PRKCB: variants seen among roughly 807,000 people sequenced by gnomAD.
The protein encoded by PRKCB is protein kinase C beta.
In PRKCB, 13 loss-of-function variants were observed where a neutral mutation model predicts 81.5. The observed-to-expected ratio is 0.16, with a 90% CI of 0.10 to 0.25. The LOEUF (loss-of-function observed/expected upper bound fraction) is 0.25, where lower values mean the gene tolerates loss of function less well. Among genes scored for constraint, PRKCB ranks in the 10% least tolerant of loss-of-function variants. The pLI, the probability that PRKCB is intolerant of heterozygous loss-of-function variation, is 1.00. For synonymous variants in PRKCB, 335 were observed against 321.4 expected, an observed-to-expected ratio of 1.04 and a Z score of -0.45; for missense variants, 509 against 875.7, an observed-to-expected ratio of 0.58 and a Z score of 5.29.
chr16:23,846,789 T>G (rs1251295220), intron 2 of PRKCB, among the ~76,000 whole-genome samples: 1 of 152,006 alleles, frequency 6.6e-6, no homozygotes, highest in Non-Finnish European at 1.5e-5. Context: ...TCCTGGAAAT[T>G]TTTGGTGTTG....
intron 2 of PRKCB, among the ~76,000 whole-genome samples, chr16:23,920,759 C>T (rs748717138): frequency 3.0e-4 from 45 of 152,280 alleles, no homozygotes; most frequent in Non-Finnish European, 4.6e-4. Flanking sequence ...CTTCAAGAGT[C>T]CTGCAGAAAT....
At chr16:23,969,440 G>T (rs984718382) in intron 2 of PRKCB, among the ~76,000 whole-genome samples, 8 of 152,120 alleles carry the variant, frequency 5.3e-5, no homozygotes, top group Admixed American at 5.2e-4. Context: ...GCATGCATGT[G>T]CCTGTATTGG....
At chr16:24,001,241 A>G (rs1463432522) in intron 3 of PRKCB, among the ~76,000 whole-genome samples, 2 of 152,218 alleles carry the variant, frequency 1.3e-5, no homozygotes, top group East Asian at 3.8e-4. Flanking sequence ...TGGTTTGTCT[A>G]AAGATACCTT....
At chr16:24,041,028 C>T (rs1035858196) in intron 5 of PRKCB, among the ~76,000 whole-genome samples, 5 of 151,722 alleles carry the variant, frequency 3.3e-5, no homozygotes, top group Admixed American at 6.6e-5. Flanking sequence ...TTTGTGAAGC[C>T]TGCGTGTTCA....
At chr16:24,154,912 G>T (rs1031772683) in intron 10 of PRKCB, 55 bp downstream of exon 10, 128 of 1,566,316 alleles carry the variant, frequency 8.2e-5, no homozygotes, top group Non-Finnish European at 1.1e-4. Context: ...CCAGGCTTTG[G>T]CCAAAGCTAT....
In PRKCB at chr16:24,185,555, C is replaced by T. The variant is rs773720305; in HGVS notation, c.1710C>T (p.Ala570=). The T allele has an allele frequency of 6.2e-7, 1 of 1,613,442 alleles. No homozygotes were observed. Among genetic ancestry groups the T allele is most frequent in the South Asian group, 1.1e-5 (1 of 91,070 alleles). The change falls in exon 15 of 17, where the codon GCC becomes GCT. Residue 570 remains alanine (A), a synonymous_variant. Coordinates refer to ENST00000643927, the MANE Select transcript of PRKCB (RefSeq NM_002738.7). ...YPKSMSKEAV[A]ICKGLMTKHP... ...AGTCTATGTCCAAGGAAGCTGTGGC[C>T]ATCTGCAAAGGGGTAAGTGCATCTC...
At chr16:23,989,042 G>A (rs1020636085) in intron 3 of PRKCB, among the ~76,000 whole-genome samples, 1 of 152,086 alleles carries the variant, frequency 6.6e-6, no homozygotes, top group Non-Finnish European at 1.5e-5. Flanking sequence ...CTCACTGCAA[G>A]CTCCGCCTCC....
intron 16 of PRKCB, among the ~76,000 whole-genome samples, chr16:24,213,303 G>A (rs1596602697): frequency 6.6e-6 from 1 of 152,294 alleles, no homozygotes; most frequent in Middle Eastern, 3.4e-3. Flanking sequence ...AAAGTGCTGG[G>A]ATTACAGGCG....
intron 10 of PRKCB, among the ~76,000 whole-genome samples, chr16:24,168,712 G>A (rs1967390422): frequency 7.2e-6 from 1 of 138,570 alleles, no homozygotes; most frequent in East Asian, 2.1e-4. Flanking sequence ...CACCATGCCT[G>A]GCTATTTTTT....
At chr16:24,130,973 C>A (rs937457660) in intron 9 of PRKCB, among the ~76,000 whole-genome samples, 15 of 152,098 alleles carry the variant, frequency 9.9e-5, no homozygotes, top group African/African-American at 1.7e-4. Context: ...CTGACTTTTC[C>A]CTTTAGAGCT....
intron 8 of PRKCB, among the ~76,000 whole-genome samples, chr16:24,119,643 C>T (rs1966775243): frequency 1.3e-5 from 2 of 151,848 alleles, no homozygotes; most frequent in African/African-American, 4.8e-5. Flanking sequence ...GTCAGGCCAG[C>T]TTGGGGGTGA....
chr16:24,214,177 A>G (rs1968188251), intron 16 of PRKCB, among the ~76,000 whole-genome samples: 1 of 152,238 alleles, frequency 6.6e-6, no homozygotes, highest in East Asian at 1.9e-4. Context: ...TGAGAGCTGG[A>G]GGACAGCACT....
chr16:24,158,720 A>G (rs1967207980), intron 10 of PRKCB, among the ~76,000 whole-genome samples: 1 of 151,886 alleles, frequency 6.6e-6, no homozygotes, highest in Admixed American at 6.6e-5. Context: ...GTGCAGTGAA[A>G]CAATCATAGC....
chr16:23,858,085 G>A (rs995306277), intron 2 of PRKCB, among the ~76,000 whole-genome samples: 15 of 146,516 alleles, frequency 1.0e-4, no homozygotes, highest in Admixed American at 9.2e-4. Context: ...TGACAATGAC[G>A]TTGATGATGA....
intron 3 of PRKCB, among the ~76,000 whole-genome samples, chr16:24,003,669 G>A (rs1472073181): frequency 6.6e-6 from 1 of 152,140 alleles, no homozygotes; most frequent in Non-Finnish European, 1.5e-5. Context: ...ACAGGCGTGA[G>A]CGACTGCACC....
At chr16:24,162,442 CTTTTTTTT>C (rs564543744) in intron 10 of PRKCB, among the ~76,000 whole-genome samples, 70 of 68,608 alleles carry the variant, frequency 1.0e-3, no homozygotes, top group African/African-American at 3.6e-3. Context: ...ACAGAGAAGA[CTTTTTTTT>C]TTTTTTTTTT....
At chr16:24,126,231 A>G (rs7188499) in intron 9 of PRKCB, among the ~76,000 whole-genome samples, 29,954 of 151,960 alleles carry the variant, frequency 0.2, 4,328 homozygotes, top group African/African-American at 0.39. Context: ...TAGAAGTCTA[A>G]GGATGAAAAA....
At chr16:24,178,107 A>G (rs1967562425) in intron 12 of PRKCB, among the ~76,000 whole-genome samples, 1 of 152,200 alleles carries the variant, frequency 6.6e-6, no homozygotes. Context: ...ACTTAATTGA[A>G]CAGTTCTTAA....
chr16:23,987,201 A>G lies in PRKCB; in HGVS notation c.206-1307A>G, dbSNP rs150281803. 4.2e-3 allele frequency among the ~76,000 whole-genome samples: 646 copies of G among 152,326 alleles called. 3 individuals carry two copies. In the Middle Eastern group the frequency reaches 0.054, roughly 13 times the overall value. On this transcript the variant is annotated intron_variant, in intron 2 of 16. Coordinates refer to ENST00000643927, the MANE Select transcript of PRKCB (RefSeq NM_002738.7). ...TGGCACATGTATACCTGTGTAACAA[A>G]CCTGAATGTTCTGCACGTGTATCCC...
Sources: allele counts gnomAD v4.1 joint callset (sites outside exome capture counted in the v4.1 genomes callset), GRCh38; gene constraint gnomAD v4.1.1; transcripts MANE v1.5; gene names NCBI Gene and HGNC (gene_info 2026-07-23, HGNC 2026-07-21).